Variants in GLIS3 observed in about 807,000 individuals in gnomAD.
GLIS3 encodes zinc finger protein GLIS3.
GLIS3 carries 53 observed loss-of-function variants against 78.6 expected under a neutral mutation model. The observed-to-expected ratio is 0.67, with a 90% CI of 0.54 to 0.85. The LOEUF is 0.85. GLIS3 is among the 40% of genes least tolerant of loss of function. The pLI, the probability that GLIS3 is intolerant of heterozygous loss-of-function variation, is 0.00. For missense variants in GLIS3, 1,703 were observed against 1,231.1 expected (o/e 1.38, Z -5.74); for synonymous variants, 684 against 509.9 (o/e 1.34, Z -4.60).
chr9:4,450,946 G>A, the GLIS3 span, among the ~76,000 whole-genome samples: 9 of 152,214 alleles, frequency 5.9e-5, no homozygotes, highest in East Asian at 1.9e-4. Flanking sequence ...ATCAACTAAC[G>A]GGTAAAATAA....
At chr9:4,472,523 T>C in the GLIS3 span, among the ~76,000 whole-genome samples, 1 of 148,760 alleles carries the variant, frequency 6.7e-6, no homozygotes, top group East Asian at 2.0e-4. Flanking sequence ...AAACAAACAC[T>C]GCATATTCTC....
At chr9:4,432,520 T>C in the GLIS3 span, among the ~76,000 whole-genome samples, 1 of 152,138 alleles carries the variant, frequency 6.6e-6, no homozygotes, top group Non-Finnish European at 1.5e-5. Context: ...AAAGTTCGGA[T>C]GTTCAGCAGC....
At chr9:4,107,492 A>C (rs1229535162) in intron 4 of GLIS3, among the ~76,000 whole-genome samples, 1 of 152,186 alleles carries the variant, frequency 6.6e-6, no homozygotes, top group Non-Finnish European at 1.5e-5. Flanking sequence ...AAGGATCCTG[A>C]GTCACTATAC....
Position 3,828,329 on chromosome 9 carries a change from C to A in GLIS3, c.2736G>T (p.Gln912His), listed in dbSNP as rs777308420. The A allele has an allele frequency of 3.7e-6, 6 of 1,614,108 alleles. No individual in the cohort carries two copies. The highest frequency in any genetic ancestry group is 5.1e-6 in the Non-Finnish European group (6 of 1,180,018). The change falls in exon 11 of 11, where the codon CAG becomes CAT. Residue 912 changes from glutamine to histidine, a missense_variant. Transcript: ENST00000381971. ...RSGAEDATFL[Q>H]ISTVDRCPSQ... The stretch of plus-strand genomic sequence containing the variant: ...TAGGACAGCGGTCCACGGTGCTGAT[C>A]TGCAAGAAGGTAGCATCTTCAGCCC...
the GLIS3 span, among the ~76,000 whole-genome samples, chr9:4,450,971 A>G: frequency 8.0e-4 from 122 of 152,324 alleles, no homozygotes; most frequent in African/African-American, 2.7e-3. Context: ...CTAACATCAT[A>G]ACGACAGCAT....
At chr9:4,447,425 C>T in the GLIS3 span, among the ~76,000 whole-genome samples, 1 of 152,020 alleles carries the variant, frequency 6.6e-6, no homozygotes, top group African/African-American at 2.4e-5. Flanking sequence ...GGAAGTAGTC[C>T]CTGAACAATC....
intron 4 of GLIS3, among the ~76,000 whole-genome samples, chr9:4,089,684 T>TG (rs1198443469): frequency 2.0e-5 from 3 of 151,972 alleles, no homozygotes; most frequent in African/African-American, 7.3e-5. Context: ...CCAGGCATGG[T>TG]GGTGTATACA....
At chr9:4,140,805 T>C (rs1017675678) in intron 2 of GLIS3, among the ~76,000 whole-genome samples, 4 of 152,078 alleles carry the variant, frequency 2.6e-5, no homozygotes, top group African/African-American at 9.7e-5. Flanking sequence ...AATTTATCTT[T>C]TTTTTTTTTT....
the GLIS3 span, among the ~76,000 whole-genome samples, chr9:4,365,452 G>A: frequency 6.6e-6 from 1 of 151,782 alleles, no homozygotes; most frequent in Non-Finnish European, 1.5e-5. Context: ...AGCTACTCAG[G>A]GGCTGAGGCA....
At chr9:4,147,021 T>A (rs1472167865) in intron 2 of GLIS3, among the ~76,000 whole-genome samples, 1 of 152,206 alleles carries the variant, frequency 6.6e-6, no homozygotes, top group Non-Finnish European at 1.5e-5. Flanking sequence ...ACCGTATGCC[T>A]CTAATTTTCT....
At chr9:4,063,049 C>T (rs1276981838) in intron 4 of GLIS3, among the ~76,000 whole-genome samples, 1 of 152,038 alleles carries the variant, frequency 6.6e-6, no homozygotes, top group Non-Finnish European at 1.5e-5. Flanking sequence ...CTTTATCTCA[C>T]CAGATTAATA....
chr9:3,839,107 C>T (rs569938655), intron 9 of GLIS3, among the ~76,000 whole-genome samples: 1 of 152,298 alleles, frequency 6.6e-6, no homozygotes, highest in Admixed American at 6.5e-5. Context: ...AGCCTTCTGA[C>T]ATTTTTGTCC....
At chr9:4,206,703 A>G (rs1341913562) in intron 2 of GLIS3, among the ~76,000 whole-genome samples, 1 of 152,238 alleles carries the variant, frequency 6.6e-6, no homozygotes, top group Non-Finnish European at 1.5e-5. Context: ...GAAATGATAT[A>G]CTGGTGAAAA....
In GLIS3 at chr9:3,936,990, C is replaced by T. The variant is rs545289385; in HGVS notation, c.1872+38G>A. On this transcript the variant is annotated intron_variant, in intron 5 of 10. Transcript: ENST00000381971. Reference sequence around the variant, plus strand: ...CAAGCAGGCACTTCCTCACACCAGGCGCTGGGTTGGAAACTGGAAAGCTCC... The same window carrying T: ...CAAGCAGGCACTTCCTCACACCAGGTGCTGGGTTGGAAACTGGAAAGCTCC... The T allele has an allele frequency of 1.1e-5, 18 of 1,611,682 alleles. 1 individual carries two copies. The highest frequency in any genetic ancestry group is 6.7e-5 in the East Asian group (3 of 44,864).
At chr9:4,349,086 G>A (rs1425481869), upstream of GLIS3, among the ~76,000 whole-genome samples, 1 of 152,134 alleles carries the variant, frequency 6.6e-6, no homozygotes, top group East Asian at 1.9e-4. Context: ...ATAGGAGAAT[G>A]CAACACTACT....
intron 2 of GLIS3, among the ~76,000 whole-genome samples, chr9:4,284,978 G>A (rs964114891): frequency 2.6e-5 from 4 of 151,672 alleles, no homozygotes; most frequent in African/African-American, 9.7e-5. Context: ...TTTTAAACCT[G>A]CCCATTTATA....
the GLIS3 span, among the ~76,000 whole-genome samples, chr9:4,488,426 A>G: frequency 6.6e-6 from 1 of 152,156 alleles, no homozygotes; most frequent in Non-Finnish European, 1.5e-5. Flanking sequence ...TGGCAGTTCC[A>G]TAATATATTT....
intron 4 of GLIS3, among the ~76,000 whole-genome samples, chr9:4,095,275 C>T (rs999567973): frequency 2.6e-5 from 4 of 152,084 alleles, no homozygotes; most frequent in Admixed American, 2.0e-4. Context: ...ATGTTTTAAC[C>T]GGGTGTCAAC....
chr9:4,397,277 G>A, the GLIS3 span, among the ~76,000 whole-genome samples: 27 of 148,780 alleles, frequency 1.8e-4, no homozygotes, highest in Non-Finnish European at 1.6e-4. Context: ...CGCCCGCCTC[G>A]GCCTCCCAAA....
Sources: gnomAD v4.1 joint callset for allele counts (sites outside exome capture counted in the v4.1 genomes callset) on GRCh38, gnomAD v4.1.1 for gene constraint, MANE v1.5 for transcripts, NCBI Gene and HGNC (gene_info 2026-07-23, HGNC 2026-07-21) for gene names.